The following DNAI7 variants were observed in gnomAD, a reference collection of about 807,000 sequenced individuals.
DNAI7 encodes dynein axonemal intermediate chain 7.
In DNAI7, 78 loss-of-function variants were observed where a neutral mutation model predicts 86.6. That is an observed-to-expected ratio of 0.90 (90% CI 0.75 to 1.09). The LOEUF (loss-of-function observed/expected upper bound fraction) is 1.09, where lower values mean the gene tolerates loss of function less well. Ranked by LOEUF, DNAI7 falls within the 50% of genes least tolerant of loss-of-function variation. The probability of loss-of-function intolerance (pLI) is 0.00; values close to 1 mark genes in which losing one functional copy is unlikely to be tolerated. For missense variants in DNAI7, 753 were observed against 810.2 expected, an observed-to-expected ratio of 0.93 and a Z score of 0.86; for synonymous variants, 274 against 273.0, an observed-to-expected ratio of 1.00 and a Z score of -0.04.
intron 8 of DNAI7, among the ~76,000 whole-genome samples, chr12:25,145,392 C>A (rs534741992): frequency 1.3e-5 from 2 of 152,270 alleles, no homozygotes; most frequent in Admixed American, 6.5e-5. Flanking sequence ...ACTTGTTCTG[C>A]CTGCACTATT....
In DNAI7 at chr12:25,158,484, T is replaced by A. The variant is rs1350585149; in HGVS notation, c.186A>T (p.Arg62=). The A allele has an allele frequency of 6.2e-7, 1 of 1,612,042 alleles. No homozygotes were observed. The highest frequency in any genetic ancestry group is 1.7e-5 in the Admixed American group (1 of 59,908). Residue 62 remains arginine, a synonymous_variant, in exon 4 of 16, where the codon CGA becomes CGT. Coordinates refer to ENST00000395987, the MANE Select transcript of DNAI7 (RefSeq NM_018272.5). ...AATGTTTATTTACTTTTGCTTCAAG[T>A]CGATGCCATTTTTCTTTCTCAATTC... ...IQRIEKEKWH[R]LEAKDLERRN...
intron 2 of DNAI7, among the ~76,000 whole-genome samples, chr12:25,174,053 T>C (rs1948478151): frequency 6.7e-6 from 1 of 148,792 alleles, no homozygotes; most frequent in Non-Finnish European, 1.5e-5. Flanking sequence ...ATATATCATA[T>C]ATATATCATA....
chr12:25,155,067 C>T (rs1468693213), intron 5 of DNAI7, among the ~76,000 whole-genome samples: 1 of 152,148 alleles, frequency 6.6e-6, no homozygotes, highest in Non-Finnish European at 1.5e-5. Flanking sequence ...CATAATTTCC[C>T]TAAGTATACA....
At chr12:25,190,334 G>C (rs929352075) in intron 2 of DNAI7, among the ~76,000 whole-genome samples, 1 of 152,032 alleles carries the variant, frequency 6.6e-6, no homozygotes, top group African/African-American at 2.4e-5. Context: ...ACATTTTCTA[G>C]AGCAGAATTA....
intron 2 of DNAI7, among the ~76,000 whole-genome samples, chr12:25,179,820 A>T (rs994765918): frequency 4.6e-5 from 7 of 152,160 alleles, no homozygotes; most frequent in African/African-American, 1.7e-4. Flanking sequence ...TGTATGACAA[A>T]CCCACAGCCA....
At position 25,111,799 on chromosome 12, in the gene DNAI7, A is replaced by G. The variant is rs766439673; in HGVS notation, c.1752T>C (p.Ser584=). ...AGLNIFPTRH[S]HFYVIINNKV... ...TATTGTTTATAATAACATAAAAATG[A>G]GAGTGTCTAGTAGGAAAGATATTCA... The change falls in exon 14 of 16, where the codon TCT becomes TCC. Residue 584 remains serine, a synonymous_variant. Coordinates refer to ENST00000395987, the MANE Select transcript of DNAI7 (RefSeq NM_018272.5). 6.9e-6 allele frequency: 11 copies of G among 1,590,320 alleles called. No individual in the cohort carries two copies. The highest frequency in any genetic ancestry group is 8.5e-6 in the Non-Finnish European group (10 of 1,171,526).
intron 9 of DNAI7, among the ~76,000 whole-genome samples, chr12:25,125,531 GT>G (rs1221369304): frequency 6.6e-6 from 1 of 152,124 alleles, no homozygotes; most frequent in African/African-American, 2.4e-5. Context: ...CAGATGCATA[GT>G]TTGCAAATAT....
intron 1 of DNAI7, among the ~76,000 whole-genome samples, chr12:25,193,493 C>T (rs571254345): frequency 3.0e-4 from 46 of 152,266 alleles, no homozygotes; most frequent in African/African-American, 8.9e-4. Flanking sequence ...TCCAGAACTA[C>T]GAGACAATAA....
chr12:25,119,900 A>G (rs1306109400), intron 11 of DNAI7, among the ~76,000 whole-genome samples: 1 of 152,168 alleles, frequency 6.6e-6, no homozygotes, highest in African/African-American at 2.4e-5. Flanking sequence ...TAGAGGAAAA[A>G]TTAGGGCAAG....
intron 2 of DNAI7, among the ~76,000 whole-genome samples, chr12:25,179,162 T>C (rs1206916532): frequency 6.6e-6 from 1 of 152,166 alleles, no homozygotes; most frequent in Non-Finnish European, 1.5e-5. Context: ...GTTTTAAAAA[T>C]TCCAAGCATA....
intron 2 of DNAI7, among the ~76,000 whole-genome samples, chr12:25,181,803 A>C (rs1949527854): frequency 6.6e-6 from 1 of 152,134 alleles, no homozygotes; most frequent in African/African-American, 2.4e-5. Flanking sequence ...GATAAATTTC[A>C]ATTAAAACCA....
intron 3 of DNAI7, among the ~76,000 whole-genome samples, chr12:25,160,830 G>T (rs979478806): frequency 1.3e-5 from 2 of 151,980 alleles, no homozygotes; most frequent in African/African-American, 4.8e-5. Flanking sequence ...CCCAAGTATT[G>T]CATGGGACAA....
chr12:25,158,883 A>G (rs757141493), intron 3 of DNAI7: 15 of 332,182 alleles, frequency 4.5e-5, no homozygotes, highest in African/African-American at 3.2e-4. Flanking sequence ...AATCAAAACC[A>G]CAATGAGATA....
intron 9 of DNAI7, among the ~76,000 whole-genome samples, chr12:25,135,685 G>T (rs10842479): frequency 0.68 from 103,960 of 151,956 alleles, 39,617 homozygotes; most frequent in East Asian, 0.99. Flanking sequence ...GAGTGAGACT[G>T]GCCTTGATGG....
intron 2 of DNAI7, among the ~76,000 whole-genome samples, chr12:25,176,902 T>C (rs1024747458): frequency 5.3e-5 from 6 of 114,216 alleles, no homozygotes; most frequent in Non-Finnish European, 9.5e-5. Flanking sequence ...AACCATTTTC[T>C]TTTTTTTTTT....
chr12:25,122,622 T>C (rs902357464), intron 10 of DNAI7, among the ~76,000 whole-genome samples: 71 of 152,108 alleles, frequency 4.7e-4, no homozygotes, highest in African/African-American at 9.7e-5. Flanking sequence ...AACTAAAAGA[T>C]TGACAAATTA....
intron 9 of DNAI7, among the ~76,000 whole-genome samples, chr12:25,124,640 G>A (rs1464583914): frequency 6.6e-6 from 1 of 152,034 alleles, no homozygotes; most frequent in Admixed American, 6.6e-5. Flanking sequence ...TTTATTTTAG[G>A]TTTGAGGGTG....
In DNAI7 at chr12:25,151,136, G is replaced by A. The variant is rs545189407; in HGVS notation, c.439-1362C>T. On this transcript the variant is annotated intron_variant, in intron 6 of 15. Transcript: ENST00000395987. ...CAGCATCGTAGCGTAGGGTAGTATG[G>A]ACTCAAACAAGAATGCAGGGCTTCA... is the stretch of plus-strand genomic sequence containing the variant. Among the ~76,000 whole-genome samples the A allele has an allele frequency of 1.1e-4, 17 of 152,276 alleles. No homozygotes were observed. In the South Asian group the frequency reaches 3.5e-3, roughly 32 times the overall value.
intron 8 of DNAI7, among the ~76,000 whole-genome samples, chr12:25,145,163 T>C (rs892171652): frequency 2.0e-5 from 3 of 152,198 alleles, no homozygotes; most frequent in East Asian, 1.9e-4. Flanking sequence ...AGTGCAAGCA[T>C]CTGTAATTAC....
Sources: gnomAD v4.1 joint callset for allele counts (sites outside exome capture counted in the v4.1 genomes callset) on GRCh38, gnomAD v4.1.1 for gene constraint, MANE v1.5 for transcripts, NCBI Gene and HGNC (gene_info 2026-07-23, HGNC 2026-07-21) for gene names.